The following CEP83 variants were observed in gnomAD, a reference collection of about 807,000 sequenced individuals.
CEP83 encodes the protein centrosomal protein 83, also known as centrosomal protein of 83 kDa.
Under a neutral mutation model 101.9 loss-of-function variants are expected in CEP83, and 70 were observed. That is an observed-to-expected ratio of 0.69 (90% CI 0.57 to 0.84). The LOEUF (loss-of-function observed/expected upper bound fraction) is 0.84, where lower values mean the gene tolerates loss of function less well. Among genes scored for constraint, CEP83 ranks in the 40% least tolerant of loss-of-function variants. The probability of loss-of-function intolerance (pLI) is 0.00; values close to 1 mark genes in which losing one functional copy is unlikely to be tolerated. For synonymous variants in CEP83, 264 were observed against 267.9 expected, an observed-to-expected ratio of 0.99 and a Z score of 0.14; for missense variants, 715 against 787.2, an observed-to-expected ratio of 0.91 and a Z score of 1.10.
At chr12:94,449,169 A>G (rs1470070387) in intron 1 of CEP83, among the ~76,000 whole-genome samples, 1 of 152,154 alleles carries the variant, frequency 6.6e-6, no homozygotes, top group African/African-American at 2.4e-5. Flanking sequence ...AAATTAGATA[A>G]TTTATATGAA....
At chr12:94,424,478 G>A in intron 2 of CEP83, 2 of 1,613,996 alleles carry the variant, frequency 1.2e-6, no homozygotes, top group Non-Finnish European at 1.7e-6. Flanking sequence ...AAGGATACGG[G>A]TGGAGATAAC....
At chr12:94,418,608 A>C (rs1261930443) in intron 2 of CEP83, among the ~76,000 whole-genome samples, 1 of 152,180 alleles carries the variant, frequency 6.6e-6, no homozygotes, top group African/African-American at 2.4e-5. Flanking sequence ...AAATATCCAG[A>C]ATAGATAAAT....
intron 11 of CEP83, among the ~76,000 whole-genome samples, chr12:94,336,989 AT>A (rs1008111705): frequency 5.9e-5 from 9 of 152,162 alleles, no homozygotes; most frequent in African/African-American, 2.2e-4. Context: ...TTTCCACAAA[AT>A]CATGAAGATG....
intron 14 of CEP83, among the ~76,000 whole-genome samples, chr12:94,330,818 A>C (rs1399054623): frequency 2.0e-5 from 3 of 152,208 alleles, no homozygotes; most frequent in Non-Finnish European, 4.4e-5. Context: ...TTCTGTATGG[A>C]AAAATGCATG....
At chr12:94,416,791 C>T (rs550683562) in intron 2 of CEP83, among the ~76,000 whole-genome samples, 55 of 152,018 alleles carry the variant, frequency 3.6e-4, no homozygotes, top group Non-Finnish European at 6.8e-4. Context: ...CTTTCACCCC[C>T]CACCAAGAGT....
intron 4 of CEP83, among the ~76,000 whole-genome samples, chr12:94,403,797 T>C (rs984894706): frequency 5.3e-5 from 8 of 151,964 alleles, no homozygotes; most frequent in African/African-American, 1.9e-4. Flanking sequence ...TTCACCGTTG[T>C]ATTCCCAATA....
intron 11 of CEP83, among the ~76,000 whole-genome samples, chr12:94,367,238 A>G (rs1271769828): frequency 6.6e-6 from 1 of 152,172 alleles, no homozygotes; most frequent in African/African-American, 2.4e-5. Flanking sequence ...AGATAATTAT[A>G]TATTACAAAG....
At chr12:94,378,734 T>G in intron 7 of CEP83, 57 bp downstream of exon 7, 1 of 1,579,222 alleles carries the variant, frequency 6.3e-7, no homozygotes, top group East Asian at 2.2e-5. Context: ...CAAAGGCTTG[T>G]CAACTGCACT....
chr12:94,370,173 T>C, intron 8 of CEP83, 137 bp from the exon 9 acceptor site: 1 of 599,128 alleles, frequency 1.7e-6, no homozygotes, highest in Non-Finnish European at 3.0e-6. Flanking sequence ...GAAAGAAGTG[T>C]CAGTGCCTGC....
downstream of CEP83, chr12:94,305,085 A>C: frequency 1.4e-6 from 1 of 720,680 alleles, no homozygotes; most frequent in Non-Finnish European, 2.4e-6. Context: ...CATCTGTTTC[A>C]TACAGATTTT....
intron 11 of CEP83, among the ~76,000 whole-genome samples, chr12:94,344,432 A>G (rs916704000): frequency 6.6e-6 from 1 of 152,174 alleles, no homozygotes; most frequent in Non-Finnish European, 1.5e-5. Context: ...AAGAAAGCCC[A>G]AGGTATACAA....
chr12:94,411,967 C>T (rs956403885), intron 3 of CEP83, 120 bp from the exon 4 acceptor site: 1 of 761,682 alleles, frequency 1.3e-6, no homozygotes, highest in Non-Finnish European at 2.1e-6. Flanking sequence ...TTCCTTTAAA[C>T]CCACAAGTAT....
chr12:94,376,004 G>C lies in CEP83; in HGVS notation c.815C>G (p.Ser272Ter). 6.4e-7 allele frequency: 1 copy of C among 1,555,544 alleles called. No individual in the cohort carries two copies. The highest frequency in any genetic ancestry group is 8.7e-7 in the Non-Finnish European group (1 of 1,150,196). ...CAAACGTTCTGCCCGTAAATTAGCTGATTGTTTTTCAGCCTTTCATACAAA... is the reference window on the plus strand; with the variant it reads ...CAAACGTTCTGCCCGTAAATTAGCTCATTGTTTTTCAGCCTTTCATACAAA... ...TVRSLEAEKQ[S>*]ANLRAERLEK... is the part of the protein sequence containing the mutation. Residue 272 changes from serine to a stop codon, truncating the protein, a stop_gained, in exon 8 of 17, where the codon TCA (serine) becomes TGA (stop). Coordinates refer to ENST00000397809, the MANE Select transcript of CEP83 (RefSeq NM_016122.3). LOFTEE classifies it high-confidence loss of function.
At chr12:94,268,588 CTTTTTTTTT>C in the CEP83 span, among the ~76,000 whole-genome samples, 1 of 90,878 alleles carries the variant, frequency 1.1e-5, no homozygotes, top group Non-Finnish European at 2.0e-5. Flanking sequence ...AGAATAAGAC[CTTTTTTTTT>C]TTTTTTTTTT....
the CEP83 span, among the ~76,000 whole-genome samples, chr12:94,290,555 T>C: frequency 6.6e-6 from 1 of 152,086 alleles, no homozygotes; most frequent in African/African-American, 2.4e-5. Context: ...ACACCAGCAG[T>C]TGGAGGCCTC....
At chr12:94,410,132 CATTT>C (rs1177326404) in intron 4 of CEP83, among the ~76,000 whole-genome samples, 1 of 152,148 alleles carries the variant, frequency 6.6e-6, no homozygotes, top group African/African-American at 2.4e-5. Context: ...CCAATTCATT[CATTT>C]ATTTCAATTT....
At chr12:94,412,903 A>T (rs920381788) in intron 2 of CEP83, among the ~76,000 whole-genome samples, 1 of 149,394 alleles carries the variant, frequency 6.7e-6, no homozygotes, top group Admixed American at 6.7e-5. Context: ...CCCAGGCTGG[A>T]GTACAGTGGC....
At chr12:94,298,968 A>G in the CEP83 span, among the ~76,000 whole-genome samples, 8 of 152,232 alleles carry the variant, frequency 5.3e-5, no homozygotes, top group Non-Finnish European at 1.2e-4. Flanking sequence ...TTTAAACAAT[A>G]AAGGAAACCA....
chr12:94,294,346 C>G, the CEP83 span: 1 of 554,626 alleles, frequency 1.8e-6, no homozygotes, highest in South Asian at 2.0e-5. Context: ...AGCACAGTGC[C>G]CAGAACATAG....
Sources: gnomAD v4.1 joint callset for allele counts (sites outside exome capture counted in the v4.1 genomes callset) on GRCh38, gnomAD v4.1.1 for gene constraint, MANE v1.5 for transcripts, NCBI Gene and HGNC (gene_info 2026-07-23, HGNC 2026-07-21) for gene names.